The following TRIM42 variants were observed in gnomAD, a reference collection of about 807,000 sequenced individuals.
TRIM42 encodes the protein tripartite motif-containing protein 42.
TRIM42 carries 59 observed loss-of-function variants against 64.9 expected under a neutral mutation model. The observed-to-expected ratio is 0.91, with a 90% CI of 0.74 to 1.13. The LOEUF (loss-of-function observed/expected upper bound fraction) is 1.13. TRIM42 is among the 50% of genes most tolerant of loss of function. The pLI is 0.00. For synonymous variants in TRIM42, 354 were observed against 346.3 expected, an observed-to-expected ratio of 1.02 and a Z score of -0.25; for missense variants, 878 against 929.5, an observed-to-expected ratio of 0.94 and a Z score of 0.72.
intron 2 of TRIM42, among the ~76,000 whole-genome samples, chr3:140,686,773 G>A (rs763045796): frequency 3.9e-5 from 6 of 152,146 alleles, no homozygotes; most frequent in Non-Finnish European, 8.8e-5. Context: ...GACCACAGAA[G>A]GGTGACATTC....
chr3:140,688,365 A>T lies in TRIM42; in HGVS notation c.1683A>T (p.Ser561=), dbSNP rs775119867. The T allele has an allele frequency of 6.2e-7, 1 of 1,614,158 alleles. No individual in the cohort carries two copies. The highest frequency in any genetic ancestry group is 8.5e-7 in the Non-Finnish European group (1 of 1,180,010). The change falls in exon 3 of 5, where the codon TCA becomes TCT. Residue 561 remains serine, a synonymous_variant. Coordinates refer to ENST00000286349, the MANE Select transcript of TRIM42 (RefSeq NM_152616.5). The stretch of plus-strand genomic sequence containing the variant: ...TGGAGGCCTGTGGGAGAGCCCAGTC[A>T]GCCACCCCCGCCAAACCCACAGACG... ...VGLEACGRAQ[S]ATPAKPTDGL... is the part of the protein sequence containing the mutation.
At chr3:140,694,464 C>T (rs1988799543) in intron 4 of TRIM42, among the ~76,000 whole-genome samples, 1 of 152,184 alleles carries the variant, frequency 6.6e-6, no homozygotes, top group Admixed American at 6.5e-5. Flanking sequence ...CTCTGGTCCT[C>T]AATATATCTG....
In TRIM42 at chr3:140,678,385, C is replaced by G. The variant is rs775654744; in HGVS notation, c.156C>G (p.Phe52Leu). The G allele has an allele frequency of 4.3e-6, 7 of 1,614,198 alleles. No homozygotes were observed. Among genetic ancestry groups the G allele is most frequent in the Non-Finnish European group, 5.9e-6 (7 of 1,180,034 alleles). ...CPYKDERNCQFCHCTCSESPN... is the reference protein window; with the variant it reads ...CPYKDERNCQLCHCTCSESPN... Reference sequence around the variant, plus strand: ...ACAAAGATGAGCGGAACTGCCAGTTCTGCCACTGCACCTGTTCTGAGAGCC... The same window carrying G: ...ACAAAGATGAGCGGAACTGCCAGTTGTGCCACTGCACCTGTTCTGAGAGCC... The change falls in exon 1 of 5, where the codon TTC (phenylalanine) becomes TTG (leucine). Residue 52 changes from phenylalanine (F) to leucine (L), a missense_variant. Coordinates refer to ENST00000286349, the MANE Select transcript of TRIM42 (RefSeq NM_152616.5).
chr3:140,693,286 C>A (rs1988768405), intron 4 of TRIM42, among the ~76,000 whole-genome samples: 1 of 152,176 alleles, frequency 6.6e-6, no homozygotes, highest in African/African-American at 2.4e-5. Context: ...GATTAATTTG[C>A]CCTCCCTGTA....
At chr3:140,697,438 C>T (rs1009962353) in intron 4 of TRIM42, among the ~76,000 whole-genome samples, 1 of 151,644 alleles carries the variant, frequency 6.6e-6, no homozygotes, top group African/African-American at 2.4e-5. Context: ...CAAAGATAAC[C>T]TTCTATATAT....
chr3:140,700,382 ACTTCTCTAAGAAT>A (rs1294526862), intron 4 of TRIM42, among the ~76,000 whole-genome samples: 1 of 152,214 alleles, frequency 6.6e-6, no homozygotes, highest in African/African-American at 2.4e-5. Context: ...CTGTTCATAT[ACTTCTCTAAGAAT>A]CTTCTCTTTT....
chr3:140,694,119 C>T (rs919153917), intron 4 of TRIM42, among the ~76,000 whole-genome samples: 1 of 152,200 alleles, frequency 6.6e-6, no homozygotes, highest in Admixed American at 6.5e-5. Context: ...AAGTCTGGAA[C>T]AGGGTAGGCT....
intron 4 of TRIM42, 30 bp downstream of exon 4, chr3:140,691,222 T>G (rs781734957): frequency 1.3e-6 from 2 of 1,599,772 alleles, no homozygotes; most frequent in Non-Finnish European, 1.7e-6. Flanking sequence ...TCAGACAGAT[T>G]TTTTTTTCTA....
chr3:140,691,462 C>T (rs1988713508), intron 4 of TRIM42, among the ~76,000 whole-genome samples: 1 of 152,194 alleles, frequency 6.6e-6, no homozygotes, highest in African/African-American at 2.4e-5. Context: ...AACATAATCC[C>T]TGCCTTCAAG....
At chr3:140,684,068 C>T (rs1435381974) in intron 2 of TRIM42, among the ~76,000 whole-genome samples, 2 of 152,108 alleles carry the variant, frequency 1.3e-5, no homozygotes, top group Non-Finnish European at 2.9e-5. Flanking sequence ...CCTTTAGTGC[C>T]CTTTACCCCC....
In TRIM42 at chr3:140,688,369, A is replaced by T. The variant is rs138660520; in HGVS notation, c.1687A>T (p.Thr563Ser). Reference protein sequence around the residue: ...LEACGRAQSATPAKPTDGLYT... With the variant: ...LEACGRAQSASPAKPTDGLYT... ...GGCCTGTGGGAGAGCCCAGTCAGCC[A>T]CCCCCGCCAAACCCACAGACGGCCT... The change falls in exon 3 of 5, where the codon ACC becomes TCC. Residue 563 changes from threonine (T) to serine (S), a missense_variant. Thr to Ser is a moderately conservative substitution (Grantham distance 58). Transcript: ENST00000286349. 11,892 of 1,611,396 alleles carry T rather than the reference A, an allele frequency of 7.4e-3. 58 individuals are homozygous for T. Among genetic ancestry groups the T allele is most frequent in the Non-Finnish European group, 8.8e-3 (10,391 of 1,178,482 alleles).
Position 140,688,327 on chromosome 3 carries a change from G to T in TRIM42, c.1645G>T (p.Ala549Ser), listed in dbSNP as rs1348257602. ...MLSFSNTDKK[A>S]KVGLEACGRA... ...GTCCTTCAGCAACACTGACAAGAAG[G>T]CCAAGGTGGGTCTGGAGGCCTGTGG... The change falls in exon 3 of 5, where the codon GCC becomes TCC. Residue 549 changes from alanine to serine, a missense_variant. Ala to Ser is a moderately conservative substitution (Grantham distance 99, BLOSUM62 1). Transcript: ENST00000286349. 3.8e-5 allele frequency: 61 copies of T among 1,614,060 alleles called. No individual in the cohort carries two copies. Among genetic ancestry groups the T allele is most frequent in the Non-Finnish European group, 5.1e-5 (60 of 1,180,026 alleles).
intron 4 of TRIM42, among the ~76,000 whole-genome samples, chr3:140,695,802 C>A (rs190499577): frequency 5.9e-5 from 9 of 152,262 alleles, no homozygotes; most frequent in African/African-American, 1.7e-4. Flanking sequence ...GTCATTCAAT[C>A]TGAATGACCA....
intron 3 of TRIM42, among the ~76,000 whole-genome samples, chr3:140,689,347 C>G (rs558868892): frequency 1.6e-4 from 24 of 152,350 alleles, no homozygotes; most frequent in African/African-American, 5.8e-4. Flanking sequence ...CTACAGTCAA[C>G]CCATGGCCTG....
intron 1 of TRIM42, chr3:140,680,791 G>A: frequency 2.8e-6 from 2 of 710,486 alleles, no homozygotes; most frequent in Non-Finnish European, 3.5e-6. Context: ...AATATACACA[G>A]GGAGCATTCT....
At chr3:140,696,285 A>G (rs1988843771) in intron 4 of TRIM42, among the ~76,000 whole-genome samples, 1 of 152,168 alleles carries the variant, frequency 6.6e-6, no homozygotes, top group African/African-American at 2.4e-5. Context: ...TGTGTTACAT[A>G]TCTTACTTTG....
chr3:140,679,880 C>A (rs957096901), intron 1 of TRIM42, among the ~76,000 whole-genome samples: 1 of 146,796 alleles, frequency 6.8e-6, no homozygotes, highest in Non-Finnish European at 1.5e-5. Context: ...CTGATCCCCA[C>A]CCCCCCAAAC....
intron 4 of TRIM42, among the ~76,000 whole-genome samples, chr3:140,695,839 C>A (rs562996721): frequency 2.2e-4 from 34 of 152,248 alleles, no homozygotes; most frequent in African/African-American, 7.5e-4. Flanking sequence ...AAAATAACTA[C>A]CCCAAGCCTA....
chr3:140,678,297 C>G lies in TRIM42; in HGVS notation c.68C>G (p.Ser23Cys), dbSNP rs1988258079. The G allele has an allele frequency of 3.1e-6, 5 of 1,614,176 alleles. No homozygotes were observed. The highest frequency in any genetic ancestry group is 1.7e-5 in the Admixed American group (1 of 60,010). ...TWQRCCPQLC[S>C]CLCCKFIFTS... ...CAGAGATGTTGTCCTCAGTTATGCTCCTGTCTGTGCTGCAAGTTCATCTTC... is the reference window on the plus strand; with the variant it reads ...CAGAGATGTTGTCCTCAGTTATGCTGCTGTCTGTGCTGCAAGTTCATCTTC... The change falls in exon 1 of 5, where the codon TCC (serine) becomes TGC (cysteine). Residue 23 changes from serine to cysteine, a missense_variant. Physicochemically the swap from Ser to Cys is moderately radical, Grantham distance 112. Coordinates refer to ENST00000286349, the MANE Select transcript of TRIM42 (RefSeq NM_152616.5).
Sources: gnomAD v4.1 joint callset for allele counts (sites outside exome capture counted in the v4.1 genomes callset) on GRCh38, gnomAD v4.1.1 for gene constraint, MANE v1.5 for transcripts, NCBI Gene and HGNC (gene_info 2026-07-23, HGNC 2026-07-21) for gene names.